MTUS2: variants seen among roughly 807,000 people sequenced by gnomAD.
MTUS2 encodes microtubule-associated tumor suppressor candidate 2.
Under a neutral mutation model 114.1 loss-of-function variants are expected in MTUS2, and 40 were observed. The observed-to-expected ratio is 0.35, with a 90% CI of 0.27 to 0.46. The LOEUF (loss-of-function observed/expected upper bound fraction) is 0.46. Ranked by LOEUF, MTUS2 falls within the 20% of genes least tolerant of loss-of-function variation. The pLI is 1.00. For missense variants in MTUS2, 1,679 were observed against 1,705.4 expected (o/e 0.98, Z 0.27); for synonymous variants, 688 against 672.0 (o/e 1.02, Z -0.37).
chr13:28,908,455 T>C (rs1169016971), intron 2 of MTUS2, among the ~76,000 whole-genome samples: 2 of 151,534 alleles, frequency 1.3e-5, no homozygotes, highest in African/African-American at 4.9e-5. Context: ...TCCATGTCCC[T>C]ACAAAGGACA....
At chr13:29,323,438 G>T (rs1266045162) in intron 6 of MTUS2, among the ~76,000 whole-genome samples, 1 of 152,082 alleles carries the variant, frequency 6.6e-6, no homozygotes. Context: ...TTTTAGTAAA[G>T]ACGGGGTTTC....
intron 5 of MTUS2, among the ~76,000 whole-genome samples, chr13:29,119,955 A>C (rs1166361185): frequency 2.0e-5 from 3 of 152,226 alleles, no homozygotes; most frequent in African/African-American, 7.2e-5. Flanking sequence ...AGAATACATA[A>C]AAATAGGTCA....
intron 2 of MTUS2, among the ~76,000 whole-genome samples, chr13:28,938,218 C>G (rs1435527282): frequency 2.6e-5 from 4 of 152,018 alleles, no homozygotes; most frequent in Non-Finnish European, 4.4e-5. Flanking sequence ...CCTGTCTCTA[C>G]TAAAAATACA....
rs139231949 is a variant in MTUS2, at chr13:29,263,246, T to C, written c.2645-18458T>C. ...CAGTAAGTTCCTGTGGACCTAGAGTTACCATCTTCTTCCCAGCCCCTGTCC... is the reference window on the plus strand; with the variant it reads ...CAGTAAGTTCCTGTGGACCTAGAGTCACCATCTTCTTCCCAGCCCCTGTCC... On this transcript the variant is annotated intron_variant, in intron 5 of 15. Coordinates refer to ENST00000612955, the MANE Select transcript of MTUS2 (RefSeq NM_001033602.4). Among the ~76,000 whole-genome samples, 227 of 152,240 alleles carry C rather than the reference T, an allele frequency of 1.5e-3. 1 individual carries two copies. Among genetic ancestry groups the C allele is most frequent in the African/African-American group, 5.3e-3 (221 of 41,552 alleles).
intron 2 of MTUS2, among the ~76,000 whole-genome samples, chr13:28,858,637 A>G (rs138561029): frequency 6.6e-6 from 1 of 152,310 alleles, no homozygotes; most frequent in East Asian, 1.9e-4. Flanking sequence ...GGGGACATAT[A>G]CTTTAAAATA....
intron 5 of MTUS2, among the ~76,000 whole-genome samples, chr13:29,230,828 A>G (rs1010301772): frequency 6.6e-6 from 1 of 152,120 alleles, no homozygotes; most frequent in South Asian, 2.1e-4. Context: ...GTGAGTTCCT[A>G]TATTTGTGTT....
chr13:29,194,891 T>C (rs1232570362), intron 5 of MTUS2, among the ~76,000 whole-genome samples: 2 of 149,752 alleles, frequency 1.3e-5, no homozygotes, highest in South Asian at 2.1e-4. Context: ...GTGGCACATA[T>C]ACACCATGGA....
intron 4 of MTUS2, among the ~76,000 whole-genome samples, chr13:29,088,023 C>T (rs2138761870): frequency 6.8e-6 from 1 of 148,068 alleles, no homozygotes; most frequent in African/African-American, 2.5e-5. Flanking sequence ...CATGCCACTG[C>T]ACTCCAGCCT....
chr13:29,446,798 T>C (rs1237413906), intron 9 of MTUS2, among the ~76,000 whole-genome samples: 3 of 152,134 alleles, frequency 2.0e-5, no homozygotes, highest in Non-Finnish European at 4.4e-5. Flanking sequence ...TTTCTCTCTC[T>C]CCCTCCCATG....
chr13:29,400,965 T>C (rs929868691), intron 8 of MTUS2, among the ~76,000 whole-genome samples: 1 of 152,168 alleles, frequency 6.6e-6, no homozygotes, highest in African/African-American at 2.4e-5. Context: ...GTTGTGTCTA[T>C]TGTATGTGTT....
At chr13:29,306,807 A>G in intron 6 of MTUS2, 1 of 414,334 alleles carries the variant, frequency 2.4e-6, no homozygotes, top group South Asian at 1.8e-5. Flanking sequence ...GAGTCGACAG[A>G]TTTGGTCATG....
At chr13:29,490,985 A>ATGTGTGTGTGTGTGTGTG (rs71090259) in intron 11 of MTUS2, among the ~76,000 whole-genome samples, 12 of 148,354 alleles carry the variant, frequency 8.1e-5, no homozygotes, top group East Asian at 7.9e-4. Context: ...AGAAGTGTGG[A>ATGTGTGTGTGTGTGTGTG]TGTGTGTGTG....
At chr13:29,002,260 G>A (rs974108465) in intron 2 of MTUS2, among the ~76,000 whole-genome samples, 2 of 152,158 alleles carry the variant, frequency 1.3e-5, no homozygotes, top group African/African-American at 2.4e-5. Context: ...CAAAATGACC[G>A]TGTTCTTTTG....
At chr13:29,235,185 C>T (rs908553293) in intron 5 of MTUS2, among the ~76,000 whole-genome samples, 1 of 152,152 alleles carries the variant, frequency 6.6e-6, no homozygotes, top group Non-Finnish European at 1.5e-5. Flanking sequence ...CAACCTCCGC[C>T]TCCTGGGTTC....
At position 29,019,922 on chromosome 13, in the gene MTUS2, C is replaced by G. The variant is rs147965993; in HGVS notation, c.-242-4535C>G. ...AGTTGGGAGAATCTGAGTTCTTTGACAAGGAGTAGAATAGGTTTTGGGAGG... is the reference window on the plus strand; with the variant it reads ...AGTTGGGAGAATCTGAGTTCTTTGAGAAGGAGTAGAATAGGTTTTGGGAGG... On this transcript the variant is annotated intron_variant, in intron 2 of 15. Coordinates refer to ENST00000612955, the MANE Select transcript of MTUS2 (RefSeq NM_001033602.4). Among the ~76,000 whole-genome samples the G allele has an allele frequency of 1.1e-3, 170 of 152,298 alleles. 1 individual carries two copies. The highest frequency in any genetic ancestry group is 3.7e-3 in the African/African-American group (154 of 41,558).
intron 5 of MTUS2, among the ~76,000 whole-genome samples, chr13:29,135,468 T>G (rs1284419655): frequency 6.6e-6 from 1 of 152,212 alleles, no homozygotes; most frequent in Non-Finnish European, 1.5e-5. Flanking sequence ...GGATCATGTT[T>G]TTGTTTTTTA....
intron 6 of MTUS2, among the ~76,000 whole-genome samples, chr13:29,312,358 A>G (rs1899808521): frequency 1.3e-5 from 2 of 152,250 alleles, no homozygotes; most frequent in South Asian, 4.1e-4. Context: ...TGATAAATGA[A>G]TGAATAAAGG....
chr13:29,248,063 A>C lies in MTUS2; in HGVS notation c.2645-33641A>C, dbSNP rs187723584. ...ACATATATGCCATGGAATACTATTCAGCCATAAAAAGGAATGAAATAATGG... is the reference window on the plus strand; with the variant it reads ...ACATATATGCCATGGAATACTATTCCGCCATAAAAAGGAATGAAATAATGG... On this transcript the variant is annotated intron_variant, in intron 5 of 15. Transcript: ENST00000612955. Among the ~76,000 whole-genome samples, 220 of 152,400 alleles carry C rather than the reference A, an allele frequency of 1.4e-3. 1 individual carries two copies. The highest frequency in any genetic ancestry group is 5.0e-3 in the African/African-American group (210 of 41,598).
intron 4 of MTUS2, among the ~76,000 whole-genome samples, chr13:29,084,786 C>CCA (rs1555234180): frequency 1.8e-5 from 2 of 111,664 alleles, no homozygotes; most frequent in Non-Finnish European, 3.9e-5. Flanking sequence ...GATCCACCCC[C>CCA]CCCCCTCACC....
Sources: allele counts gnomAD v4.1 joint callset (sites outside exome capture counted in the v4.1 genomes callset), GRCh38; gene constraint gnomAD v4.1.1; transcripts MANE v1.5; gene names NCBI Gene and HGNC (gene_info 2026-07-23, HGNC 2026-07-21).